PDE7A: variants seen among roughly 807,000 people sequenced by gnomAD.
PDE7A encodes the protein phosphodiesterase 7A.
A neutral mutation model predicts 64.3 loss-of-function variants in PDE7A; 39 were observed. That is an observed-to-expected ratio of 0.61 (90% confidence interval 0.47 to 0.79). PDE7A has a LOEUF of 0.79. Ranked by LOEUF, PDE7A falls within the 30% of genes least tolerant of loss-of-function variation. PDE7A has a pLI of 0.00. For synonymous variants in PDE7A, 203 were observed against 206.8 expected, an observed-to-expected ratio of 0.98 and a Z score of 0.16; for missense variants, 470 against 582.8, an observed-to-expected ratio of 0.81 and a Z score of 1.99.
At chr8:65,832,583 C>G (rs561779382) in intron 1 of PDE7A, among the ~76,000 whole-genome samples, 1 of 152,322 alleles carries the variant, frequency 6.6e-6, no homozygotes, top group East Asian at 1.9e-4. Flanking sequence ...CTCCTGGGCT[C>G]AAGAGATCCT....
rs1806684770 is a variant in PDE7A at position 65,728,128 on chromosome 8, G to A, written c.697-827C>T. 3 of 152,232 alleles carry A rather than the reference G, an allele frequency of 2.0e-5. No individual in the cohort carries two copies. The South Asian group carries it at 6.2e-4, about 32-fold the overall frequency. The allele number at this position is 152,232 out of a possible 1,614,324, so 9.4% of individuals were successfully genotyped here. A position where few individuals can be genotyped will look rare whatever the true frequency, so the allele number is the denominator to read the frequency against. ...ACCTGCCACAATACCACTCATCAGA[G>A]CATGGTATTATTTAGGTTTACGTTA... On this transcript the variant is annotated intron_variant, in intron 7 of 12. Coordinates refer to ENST00000401827, the MANE Select transcript of PDE7A (RefSeq NM_001242318.3).
intron 1 of PDE7A, among the ~76,000 whole-genome samples, chr8:65,820,894 T>C (rs1277399351): frequency 6.6e-6 from 1 of 152,212 alleles, no homozygotes; most frequent in African/African-American, 2.4e-5. Flanking sequence ...CTGGCTGAAA[T>C]TGTTGATTTA....
chr8:65,749,494 A>T (rs1340035185), intron 3 of PDE7A, among the ~76,000 whole-genome samples: 2 of 152,164 alleles, frequency 1.3e-5, no homozygotes, highest in Admixed American at 6.5e-5. Flanking sequence ...AACTTACTTT[A>T]AAAAAAGGAC....
intron 6 of PDE7A, among the ~76,000 whole-genome samples, chr8:65,736,315 T>C (rs921095610): frequency 6.6e-6 from 1 of 152,192 alleles, no homozygotes; most frequent in Non-Finnish European, 1.5e-5. Flanking sequence ...AACTTATGAA[T>C]TGTTTACTTC....
At chr8:65,734,737 G>C in intron 7 of PDE7A, 57 bp downstream of exon 7, 1 of 974,716 alleles carries the variant, frequency 1.0e-6, no homozygotes, top group South Asian at 1.3e-5. Context: ...GTATGTGAAA[G>C]TAAATCAAAA....
At chr8:65,726,354 GT>G (rs1260531436) in intron 9 of PDE7A, among the ~76,000 whole-genome samples, 3 of 151,986 alleles carry the variant, frequency 2.0e-5, no homozygotes, top group African/African-American at 7.3e-5. Flanking sequence ...AAATATTAGG[GT>G]TTTTTCCATT....
At chr8:65,773,427 G>A (rs1212047711) in intron 3 of PDE7A, among the ~76,000 whole-genome samples, 2 of 152,110 alleles carry the variant, frequency 1.3e-5, no homozygotes, top group African/African-American at 2.4e-5. Flanking sequence ...TGATGAGATC[G>A]AGAGGATAAT....
chr8:65,723,590 C>T lies in PDE7A; in HGVS notation c.1194G>A (p.Val398=). ...CAGTGTGACGATCGCAAAGTGGACT[C>T]ACACCCAAATGATATTTTTTTTCTA... is the stretch of plus-strand genomic sequence containing the variant. The part of the protein sequence containing the change: ...GDIEKKYHLG[V]SPLCDRHTES... Residue 398 remains valine, a synonymous_variant, in exon 12 of 13, where the codon GTG becomes GTA. Transcript: ENST00000401827. 1.3e-6 allele frequency: 2 copies of T among 1,581,300 alleles called. No individual in the cohort carries two copies. The highest frequency in any genetic ancestry group is 1.7e-6 in the Non-Finnish European group (2 of 1,166,120).
At chr8:65,725,984 G>T (rs1449349552) in intron 9 of PDE7A, among the ~76,000 whole-genome samples, 1 of 152,004 alleles carries the variant, frequency 6.6e-6, no homozygotes, top group Non-Finnish European at 1.5e-5. Flanking sequence ...CGTGAATAAA[G>T]ATTTAAAAAA....
At chr8:65,773,199 A>T (rs1809162152) in intron 3 of PDE7A, among the ~76,000 whole-genome samples, 1 of 152,210 alleles carries the variant, frequency 6.6e-6, no homozygotes, top group Non-Finnish European at 1.5e-5. Context: ...ACTAGATTAC[A>T]ATTTCAAAAA....
At chr8:65,772,243 C>T (rs1809119183) in intron 3 of PDE7A, among the ~76,000 whole-genome samples, 1 of 152,176 alleles carries the variant, frequency 6.6e-6, no homozygotes, top group African/African-American at 2.4e-5. Flanking sequence ...ATTTAATACA[C>T]ATATCCAGAA....
chr8:65,786,192 C>G (rs973166466), intron 1 of PDE7A, among the ~76,000 whole-genome samples: 1 of 152,098 alleles, frequency 6.6e-6, no homozygotes, highest in African/African-American at 2.4e-5. Context: ...TTATTCTATT[C>G]ATTATAAGGT....
intron 2 of PDE7A, among the ~76,000 whole-genome samples, chr8:65,781,648 A>C (rs937403582): frequency 3.9e-5 from 6 of 152,182 alleles, no homozygotes; most frequent in African/African-American, 1.4e-4. Context: ...GAGGTTTCTG[A>C]CCTGATGACA....
intron 12 of PDE7A, among the ~76,000 whole-genome samples, chr8:65,720,932 G>A (rs1208380558): frequency 6.6e-6 from 1 of 152,176 alleles, no homozygotes; most frequent in Non-Finnish European, 1.5e-5. Context: ...TATTATTATA[G>A]GTTTCATACC....
chr8:65,793,391 T>C (rs1809752229), intron 1 of PDE7A, among the ~76,000 whole-genome samples: 1 of 151,980 alleles, frequency 6.6e-6, no homozygotes, highest in East Asian at 1.9e-4. Flanking sequence ...GTCAGTATGC[T>C]GAATTTCAAA....
intron 1 of PDE7A, among the ~76,000 whole-genome samples, chr8:65,795,021 T>G (rs1173665199): frequency 1.3e-5 from 2 of 152,154 alleles, no homozygotes; most frequent in African/African-American, 4.8e-5. Flanking sequence ...AAGAGCAATA[T>G]GTACAAATTA....
At chr8:65,824,684 A>T (rs1160797121) in intron 1 of PDE7A, among the ~76,000 whole-genome samples, 1 of 152,236 alleles carries the variant, frequency 6.6e-6, no homozygotes, top group Non-Finnish European at 1.5e-5. Flanking sequence ...TTACAACTTG[A>T]TGAAGGCTCA....
At chr8:65,789,106 C>G in intron 1 of PDE7A, 1 of 1,346,424 alleles carries the variant, frequency 7.4e-7, no homozygotes, top group South Asian at 2.1e-5. Flanking sequence ...CCTGACTCCT[C>G]TGGGAATGCA....
chr8:65,827,442 CAG>C (rs1361169185), intron 1 of PDE7A, among the ~76,000 whole-genome samples: 13 of 152,116 alleles, frequency 8.5e-5, no homozygotes, highest in African/African-American at 2.9e-4. Flanking sequence ...TTAAATATAA[CAG>C]AAAGTTTATT....
Sources: gnomAD v4.1 joint callset for allele counts (sites outside exome capture counted in the v4.1 genomes callset) on GRCh38, gnomAD v4.1.1 for gene constraint, MANE v1.5 for transcripts, NCBI Gene and HGNC (gene_info 2026-07-23, HGNC 2026-07-21) for gene names.